Variants in TANC2 observed in about 807,000 individuals in gnomAD.
TANC2 encodes tetratricopeptide repeat, ankyrin repeat and coiled-coil containing 2, also known as protein TANC2.
TANC2 carries 26 observed loss-of-function variants against 210.5 expected under a neutral mutation model. The observed-to-expected ratio is 0.12, with a 90% CI of 0.09 to 0.17. The LOEUF is 0.17. TANC2 is among the 10% of genes least tolerant of loss of function. TANC2 has a pLI of 1.00. For synonymous variants in TANC2, 931 were observed against 967.1 expected (o/e 0.96, Z 0.69); for missense variants, 2,129 against 2,608.9 (o/e 0.82, Z 4.01).
chr17:63,138,536 A>G lies in TANC2; in HGVS notation c.323-12734A>G, dbSNP rs531754641. Among the ~76,000 whole-genome samples the G allele has an allele frequency of 1.9e-3, 289 of 152,220 alleles. 1 individual carries two copies. Among genetic ancestry groups the G allele is most frequent in the African/African-American group, 6.7e-3 (278 of 41,548 alleles). The stretch of plus-strand genomic sequence containing the variant: ...TGCTTGGACGGTTGTTGGAAGGGCT[A>G]CTTTAGGCTGTGTACTTGCATATCC... On this transcript the variant is annotated intron_variant, in intron 4 of 27. Transcript: ENST00000689528.
At chr17:63,195,437 C>T (rs892693900) in intron 6 of TANC2, among the ~76,000 whole-genome samples, 5 of 152,122 alleles carry the variant, frequency 3.3e-5, no homozygotes, top group African/African-American at 7.2e-5. Flanking sequence ...TTCAGCAAAT[C>T]GTAGACCCTG....
intron 21 of TANC2, among the ~76,000 whole-genome samples, chr17:63,407,491 G>T (rs1046334901): frequency 6.6e-6 from 1 of 152,212 alleles, no homozygotes; most frequent in African/African-American, 2.4e-5. Context: ...GCCAGTAGAG[G>T]CTCCGTAGCC....
chr17:63,144,042 C>T (rs544217769), intron 4 of TANC2, among the ~76,000 whole-genome samples: 1 of 152,182 alleles, frequency 6.6e-6, no homozygotes, highest in Non-Finnish European at 1.5e-5. Context: ...TTTCAATAGA[C>T]TCAAAGTCAG....
chr17:63,055,980 AAAAAAAAAAAATATATAT>A (rs1363463250), intron 2 of TANC2, among the ~76,000 whole-genome samples: 27 of 26,634 alleles, frequency 1.0e-3, no homozygotes, highest in African/African-American at 1.9e-3. Context: ...AAAAAAAAAA[AAAAAAAAAAAATATATAT>A]ATATATATAT....
chr17:63,363,637 T>C (rs1337126588), intron 14 of TANC2, among the ~76,000 whole-genome samples: 3 of 152,246 alleles, frequency 2.0e-5, no homozygotes, highest in Non-Finnish European at 4.4e-5. Flanking sequence ...CAAAGTATGT[T>C]CTTGGAACCT....
At chr17:63,140,626 A>G (rs1466153543) in intron 4 of TANC2, among the ~76,000 whole-genome samples, 4 of 152,204 alleles carry the variant, frequency 2.6e-5, no homozygotes, top group African/African-American at 9.7e-5. Context: ...GGAGACCAGG[A>G]TATTGGTGGG....
intron 5 of TANC2, chr17:63,152,017 T>G (rs2039670166): frequency 6.6e-6 from 1 of 152,212 alleles, no homozygotes; most frequent in Non-Finnish European, 1.5e-5. Context: ...TTATCAATGC[T>G]TAGATTCTTT....
chr17:63,225,602 TC>T (rs2042307094), intron 7 of TANC2, among the ~76,000 whole-genome samples: 1 of 152,198 alleles, frequency 6.6e-6, no homozygotes, highest in African/African-American at 2.4e-5. Flanking sequence ...CTTCCTGTAT[TC>T]CCTAAGTAGA....
intron 14 of TANC2, among the ~76,000 whole-genome samples, chr17:63,370,409 A>T (rs1001814377): frequency 6.6e-6 from 1 of 151,256 alleles, no homozygotes; most frequent in Non-Finnish European, 1.5e-5. Context: ...CGATCTCCTG[A>T]CCTCGTGATC....
intron 3 of TANC2, among the ~76,000 whole-genome samples, chr17:63,076,063 A>G (rs926661973): frequency 2.6e-5 from 4 of 152,196 alleles, no homozygotes; most frequent in Non-Finnish European, 2.9e-5. Context: ...AGAGGTCTCA[A>G]AAAGCTTGAG....
chr17:63,343,232 GAC>G (rs1306083340), intron 12 of TANC2, among the ~76,000 whole-genome samples: 1 of 152,138 alleles, frequency 6.6e-6, no homozygotes, highest in Non-Finnish European at 1.5e-5. Context: ...TAAATATAAA[GAC>G]ACAGATTGAA....
intron 2 of TANC2, among the ~76,000 whole-genome samples, chr17:63,011,254 C>T (rs576976947): frequency 2.6e-4 from 40 of 151,666 alleles, no homozygotes; most frequent in Admixed American, 6.6e-5. Flanking sequence ...TTTTTTACTA[C>T]GTCATGCTTC....
At chr17:63,287,688 T>A (rs200942856) in intron 9 of TANC2, among the ~76,000 whole-genome samples, 1,704 of 30,814 alleles carry the variant, frequency 0.055, 56 homozygotes, top group Admixed American at 0.22. Flanking sequence ...CTGTATATAT[T>A]TTTTTTTTTT....
chr17:63,426,266 TAAC>T (rs1011977467), exon 28 of TANC2: 7 of 152,232 alleles, frequency 4.6e-5, no homozygotes, highest in African/African-American at 1.7e-4. Flanking sequence ...CTACCATGAC[TAAC>T]AACAATGAAC....
intron 9 of TANC2, among the ~76,000 whole-genome samples, chr17:63,277,040 T>C (rs2043899084): frequency 6.6e-6 from 1 of 152,174 alleles, no homozygotes; most frequent in Non-Finnish European, 1.5e-5. Context: ...GATACTTGAT[T>C]CATTCACCCA....
At chr17:63,344,660 A>G (rs1458808232) in intron 12 of TANC2, among the ~76,000 whole-genome samples, 1 of 152,262 alleles carries the variant, frequency 6.6e-6, no homozygotes, top group East Asian at 1.9e-4. Context: ...GCTTTAGGCT[A>G]TAAAGTCAAT....
At chr17:63,183,161 A>G (rs2040849468) in intron 5 of TANC2, among the ~76,000 whole-genome samples, 1 of 152,238 alleles carries the variant, frequency 6.6e-6, no homozygotes, top group South Asian at 2.1e-4. Context: ...ACTCTTGAGT[A>G]GTGGTAGGAC....
intron 2 of TANC2, among the ~76,000 whole-genome samples, chr17:63,067,217 TACAG>T (rs778690234): frequency 6.6e-5 from 10 of 152,156 alleles, no homozygotes; most frequent in Admixed American, 3.9e-4. Context: ...ATGAAATTGA[TACAG>T]AAAGAACTAG....
chr17:63,017,492 T>C (rs1480247032), intron 2 of TANC2, among the ~76,000 whole-genome samples: 1 of 152,222 alleles, frequency 6.6e-6, no homozygotes, highest in East Asian at 1.9e-4. Context: ...TACAGTGTTT[T>C]ATTAATCAGC....
Sources: gnomAD v4.1 joint callset for allele counts (sites outside exome capture counted in the v4.1 genomes callset) on GRCh38, gnomAD v4.1.1 for gene constraint, MANE v1.5 for transcripts, NCBI Gene and HGNC (gene_info 2026-07-23, HGNC 2026-07-21) for gene names.